The following TRDN variants were observed in gnomAD, a reference collection of about 807,000 sequenced individuals.
The protein encoded by TRDN is triadin in skeletal muscle.
TRDN carries 161 observed loss-of-function variants against 149.7 expected under a neutral mutation model. The ratio of observed to expected loss-of-function variants is 1.08; its 90% CI spans 0.95 to 1.23. The LOEUF (loss-of-function observed/expected upper bound fraction) is 1.23, where lower values mean the gene tolerates loss of function less well. Among genes scored for constraint, TRDN ranks in the 50% most tolerant of loss-of-function variants. The pLI is 0.00. For synonymous variants in TRDN, 294 were observed against 250.5 expected, an observed-to-expected ratio of 1.17 and a Z score of -1.64; for missense variants, 896 against 823.5, an observed-to-expected ratio of 1.09 and a Z score of -1.08.
intron 4 of TRDN, among the ~76,000 whole-genome samples, chr6:123,537,067 T>G (rs567530086): frequency 2.8e-4 from 43 of 152,234 alleles, no homozygotes; most frequent in African/African-American, 8.7e-4. Flanking sequence ...TAGATGCTCA[T>G]ACAAAAACTA....
chr6:123,548,474 CCATCAT>C lies in TRDN; in HGVS notation c.365_370del (p.Asp122_Asp123del). The C allele has an allele frequency of 6.4e-7, 1 of 1,570,298 alleles. No individual in the cohort carries two copies. Among genetic ancestry groups the C allele is most frequent in the South Asian group, 1.2e-5 (1 of 82,774 alleles). ...TGTACCTTTATCAGTATCTTCGTCA[CCATCAT>C]CATCTTCTTCATCTTCAGATGAGAT... On this transcript the variant is annotated inframe_deletion, in exon 3 of 41. Transcript: ENST00000334268.
chr6:123,559,881 T>C (rs1781887114), intron 2 of TRDN, among the ~76,000 whole-genome samples: 1 of 152,186 alleles, frequency 6.6e-6, no homozygotes, highest in South Asian at 2.1e-4. Flanking sequence ...ATCTCAAACA[T>C]GCTTTCTTTA....
chr6:123,254,290 A>T (rs535561131), intron 37 of TRDN, among the ~76,000 whole-genome samples: 2 of 152,212 alleles, frequency 1.3e-5, no homozygotes, highest in East Asian at 3.9e-4. Context: ...AGTGATAATT[A>T]TGAATACATT....
In TRDN at chr6:123,246,290, A is replaced by G. The variant is rs1025910257; in HGVS notation, c.1975+6122T>C. On this transcript the variant is annotated intron_variant, in intron 38 of 40. Transcript: ENST00000334268. Reference sequence around the variant, plus strand: ...CAAAAATCCCTTCTAAAAATCAATGAATCTAGGAGCTGTTTTTTGAAATGA... The same window carrying G: ...CAAAAATCCCTTCTAAAAATCAATGGATCTAGGAGCTGTTTTTTGAAATGA... 4.6e-5 allele frequency among the ~76,000 whole-genome samples: 7 copies of G among 152,218 alleles called. No homozygotes were observed. The East Asian group carries it at 1.4e-3, about 29-fold the overall frequency.
intron 19 of TRDN, among the ~76,000 whole-genome samples, chr6:123,373,173 G>A (rs1328948696): frequency 2.0e-5 from 3 of 152,218 alleles, no homozygotes; most frequent in African/African-American, 4.8e-5. Context: ...ATTCCCACAC[G>A]TTGTGGAAGG....
intron 18 of TRDN, 138 bp from the exon 19 acceptor site, chr6:123,375,769 A>G: frequency 1.6e-6 from 1 of 644,834 alleles, no homozygotes; most frequent in Non-Finnish European, 2.4e-6. Context: ...AAGATCTGAG[A>G]AAAGGAAAAT....
intron 38 of TRDN, among the ~76,000 whole-genome samples, chr6:123,246,395 G>A (rs775464260): frequency 1.3e-5 from 2 of 152,032 alleles, no homozygotes; most frequent in Non-Finnish European, 2.9e-5. Context: ...AAATGATAAA[G>A]GGGATATCAC....
chr6:123,434,736 C>T (rs1489175249), intron 12 of TRDN, among the ~76,000 whole-genome samples: 2 of 151,850 alleles, frequency 1.3e-5, no homozygotes, highest in South Asian at 4.2e-4. Flanking sequence ...TAAAAATGTA[C>T]CTTATAACAT....
At chr6:123,237,281 G>A (rs996182230) in intron 38 of TRDN, among the ~76,000 whole-genome samples, 11 of 151,666 alleles carry the variant, frequency 7.3e-5, no homozygotes, top group Admixed American at 6.6e-4. Context: ...ATGGAGTCTC[G>A]CTCTGTCGCC....
At chr6:123,326,274 C>G (rs187204642) in intron 23 of TRDN, among the ~76,000 whole-genome samples, 70 of 152,152 alleles carry the variant, frequency 4.6e-4, no homozygotes, top group African/African-American at 1.3e-3. Flanking sequence ...ACCCAAATAG[C>G]CAGCTTCCAG....
At chr6:123,336,429 T>C (rs527270890) in intron 22 of TRDN, among the ~76,000 whole-genome samples, 14 of 152,004 alleles carry the variant, frequency 9.2e-5, no homozygotes, top group Non-Finnish European at 1.8e-4. Context: ...ACTTTTGGAC[T>C]TCCTCCAAAC....
At chr6:123,521,901 C>G (rs1288013826) in intron 5 of TRDN, among the ~76,000 whole-genome samples, 2 of 152,130 alleles carry the variant, frequency 1.3e-5, no homozygotes, top group African/African-American at 4.8e-5. Context: ...TGTGTATTTA[C>G]TTTTTCAAAT....
At chr6:123,374,385 G>T (rs1353135507) in intron 19 of TRDN, among the ~76,000 whole-genome samples, 2 of 152,016 alleles carry the variant, frequency 1.3e-5, no homozygotes, top group East Asian at 3.9e-4. Context: ...AGATTTGTTT[G>T]ATATATTTTC....
intron 4 of TRDN, among the ~76,000 whole-genome samples, chr6:123,532,480 T>A (rs751938029): frequency 1.3e-5 from 2 of 151,982 alleles, no homozygotes; most frequent in Non-Finnish European, 2.9e-5. Context: ...AAAACAGGCC[T>A]GAGATTGCCC....
chr6:123,487,799 A>G (rs1360154140), intron 9 of TRDN, among the ~76,000 whole-genome samples: 1 of 152,064 alleles, frequency 6.6e-6, no homozygotes, highest in East Asian at 1.9e-4. Context: ...TTCACATACA[A>G]ACAAAGCAAT....
At chr6:123,618,121 A>G (rs1785195310) in intron 1 of TRDN, among the ~76,000 whole-genome samples, 1 of 152,182 alleles carries the variant, frequency 6.6e-6, no homozygotes, top group Non-Finnish European at 1.5e-5. Flanking sequence ...AGAGAGAGTT[A>G]TAGTAATCAG....
intron 1 of TRDN, 139 bp from the exon 2 acceptor site, chr6:123,571,271 G>A (rs919822167): frequency 1.5e-5 from 12 of 814,244 alleles, no homozygotes; most frequent in Admixed American, 1.3e-4. Flanking sequence ...GCAGGACAAA[G>A]CCTCCCTGCC....
intron 23 of TRDN, among the ~76,000 whole-genome samples, chr6:123,329,922 G>C (rs1779598422): frequency 6.6e-6 from 1 of 151,918 alleles, no homozygotes; most frequent in African/African-American, 2.4e-5. Context: ...GAAGAAAATG[G>C]TACAATGAAG....
At chr6:123,462,925 C>T (rs1490472528) in intron 10 of TRDN, 1 of 152,184 alleles carries the variant, frequency 6.6e-6, no homozygotes, top group Non-Finnish European at 1.5e-5. Context: ...CCGAGCTGCT[C>T]AGGGTTAGCA....
Sources: allele counts gnomAD v4.1 joint callset (sites outside exome capture counted in the v4.1 genomes callset), GRCh38; gene constraint gnomAD v4.1.1; transcripts MANE v1.5; gene names NCBI Gene and HGNC (gene_info 2026-07-23, HGNC 2026-07-21).